ZNF713: variants seen among roughly 807,000 people sequenced by gnomAD.
ZNF713 encodes zinc finger protein 713.
ZNF713 carries 21 observed loss-of-function variants against 28.7 expected under a neutral mutation model. The ratio of observed to expected loss-of-function variants is 0.73; its 90% CI spans 0.52 to 1.05. The LOEUF (loss-of-function observed/expected upper bound fraction) is 1.05, where lower values mean the gene tolerates loss of function less well. Ranked by LOEUF, ZNF713 falls within the 50% of genes least tolerant of loss-of-function variation. The pLI is 0.00. For synonymous variants in ZNF713, 167 were observed against 178.0 expected (o/e 0.94, Z 0.49); for missense variants, 458 against 532.4 (o/e 0.86, Z 1.37).
chr7:55,899,432 A>AGG (rs71015115), intron 1 of ZNF713, among the ~76,000 whole-genome samples: 2 of 89,546 alleles, frequency 2.2e-5, no homozygotes, highest in African/African-American at 1.0e-4. Context: ...TGGGAGGCCG[A>AGG]GGGGGGGGGG....
intron 1 of ZNF713, among the ~76,000 whole-genome samples, chr7:55,899,778 A>G (rs1785540089): frequency 6.6e-6 from 1 of 151,698 alleles, no homozygotes; most frequent in Non-Finnish European, 1.5e-5. Context: ...GTCTCATTCC[A>G]TCAGCCAGGC....
chr7:55,899,658 C>T (rs1025591370), intron 1 of ZNF713, among the ~76,000 whole-genome samples: 5 of 151,744 alleles, frequency 3.3e-5, no homozygotes, highest in African/African-American at 4.8e-5. Flanking sequence ...GGCAACAGAG[C>T]GAGACTCCAT....
intron 1 of ZNF713, among the ~76,000 whole-genome samples, chr7:55,897,102 C>T (rs188644614): frequency 1.5e-3 from 223 of 151,964 alleles, no homozygotes; most frequent in Middle Eastern, 3.4e-3. Context: ...TGGAAAAATT[C>T]CAATACTAAA....
intron 6 of ZNF713, among the ~76,000 whole-genome samples, chr7:55,930,363 C>A (rs1786186180): frequency 6.6e-6 from 1 of 152,292 alleles, no homozygotes; most frequent in South Asian, 2.1e-4. Context: ...ATCAGGTGAA[C>A]TGGAAGTCAG....
At chr7:55,921,504 A>G (rs1028482548) in intron 4 of ZNF713, among the ~76,000 whole-genome samples, 6 of 152,210 alleles carry the variant, frequency 3.9e-5, no homozygotes, top group Non-Finnish European at 7.3e-5. Flanking sequence ...AGGAGGTCAA[A>G]TATCAACATT....
At chr7:55,928,872 C>T (rs1174011539) in intron 6 of ZNF713, among the ~76,000 whole-genome samples, 1 of 151,656 alleles carries the variant, frequency 6.6e-6, no homozygotes, top group Non-Finnish European at 1.5e-5. Flanking sequence ...GGGCTCACAC[C>T]TGTAATCCCA....
intron 6 of ZNF713, among the ~76,000 whole-genome samples, chr7:55,928,756 C>T (rs1356216295): frequency 1.3e-5 from 2 of 152,094 alleles, no homozygotes; most frequent in African/African-American, 4.8e-5. Flanking sequence ...TAAACACTTC[C>T]GACAGACACA....
intron 2 of ZNF713, among the ~76,000 whole-genome samples, chr7:55,908,135 GTTTTT>G (rs71015120): frequency 1.8e-4 from 10 of 54,658 alleles, no homozygotes; most frequent in African/African-American, 5.4e-4. Flanking sequence ...ATCCGTTGTT[GTTTTT>G]TTTTTTTTTT....
chr7:55,907,468 T>C (rs1327305126), intron 2 of ZNF713, among the ~76,000 whole-genome samples: 2 of 152,236 alleles, frequency 1.3e-5, no homozygotes, highest in Non-Finnish European at 2.9e-5. Context: ...TTCATTCTTT[T>C]TTGTGGCTGC....
chr7:55,920,859 G>A (rs1239454719), intron 4 of ZNF713, among the ~76,000 whole-genome samples: 2 of 152,058 alleles, frequency 1.3e-5, no homozygotes, highest in African/African-American at 4.8e-5. Flanking sequence ...GACCTCAAGT[G>A]ATCCTCCTGC....
chr7:55,905,491 G>A (rs1333965088), intron 1 of ZNF713, among the ~76,000 whole-genome samples: 1 of 152,042 alleles, frequency 6.6e-6, no homozygotes, highest in African/African-American at 2.4e-5. Context: ...TCTGGAACCA[G>A]TGTAACAGAC....
intron 1 of ZNF713, among the ~76,000 whole-genome samples, chr7:55,902,308 G>A (rs374045689): frequency 6.6e-6 from 1 of 152,160 alleles, no homozygotes; most frequent in Non-Finnish European, 1.5e-5. Flanking sequence ...CTAGTACAAA[G>A]TGTAATAAAA....
At chr7:55,908,135 G>GTTTTT (rs71015120) in intron 2 of ZNF713, among the ~76,000 whole-genome samples, 111 of 54,638 alleles carry the variant, frequency 2.0e-3, no homozygotes, top group Non-Finnish European at 3.0e-3. Flanking sequence ...ATCCGTTGTT[G>GTTTTT]TTTTTTTTTT....
Position 55,887,849 on chromosome 7 carries a change from GGC to G in ZNF713, c.-583+171_-583+172del, listed in dbSNP as rs1785297207. Among the ~76,000 whole-genome samples the G allele has an allele frequency of 5.6e-4, 3 of 5,382 alleles. 1 individual carries two copies. The highest frequency in any genetic ancestry group is 1.8e-3 in the African/African-American group (3 of 1,658). The allele number at this position is 5,382 out of a possible 152,430, so 3.5% of individuals were successfully genotyped here. A position where few individuals can be genotyped will look rare whatever the true frequency, so the allele number is the denominator to read the frequency against. On this transcript the variant is annotated intron_variant, in intron 1 of 6. Coordinates refer to ENST00000429591, the MANE Select transcript of ZNF713 (RefSeq NM_182633.3). ...CGGGCGGCGGGCGGCGGGCGGCGGC[GGC>G]GGCGGGCGGCGGGCGGCGGCGGCGG...
chr7:55,899,743 TTTTG>T (rs572584562), intron 1 of ZNF713, among the ~76,000 whole-genome samples: 26 of 152,084 alleles, frequency 1.7e-4, no homozygotes, highest in Non-Finnish European at 3.1e-4. Context: ...TATATTCTTT[TTTTG>T]TTTGTTTGTT....
intron 2 of ZNF713, among the ~76,000 whole-genome samples, chr7:55,907,018 A>G (rs1785691082): frequency 6.6e-6 from 1 of 152,118 alleles, no homozygotes; most frequent in Non-Finnish European, 1.5e-5. Flanking sequence ...AAAAGCCTAT[A>G]TTTAGGTTAT....
In ZNF713 at chr7:55,902,926, A is replaced by C. The variant is rs1160261316; in HGVS notation, c.-582-3327A>C. On this transcript the variant is annotated intron_variant, in intron 1 of 6. Coordinates refer to ENST00000429591, the MANE Select transcript of ZNF713 (RefSeq NM_182633.3). ...GAGAAGCTCTTGAACCGGGGAGATA[A>C]AGGTTACAGTGAGCCGAGACCTCAC... is the stretch of plus-strand genomic sequence containing the variant. Among the ~76,000 whole-genome samples the C allele has an allele frequency of 4.0e-5, 6 of 150,752 alleles. No individual in the cohort carries two copies. The South Asian group carries it at 6.3e-4, about 16-fold the overall frequency.
intron 4 of ZNF713, chr7:55,918,234 G>A (rs1184577187): frequency 1.4e-5 from 5 of 363,408 alleles, no homozygotes; most frequent in Non-Finnish European, 2.3e-5. Flanking sequence ...CATATGGAGA[G>A]GAGCCAAGGC....
chr7:55,910,803 G>A (rs1181355108), intron 2 of ZNF713, among the ~76,000 whole-genome samples: 6 of 152,006 alleles, frequency 3.9e-5, no homozygotes, highest in Admixed American at 1.3e-4. Flanking sequence ...GCTCCACTGC[G>A]CCCCAGCTTC....
Sources: gnomAD v4.1 joint callset for allele counts (sites outside exome capture counted in the v4.1 genomes callset) on GRCh38, gnomAD v4.1.1 for gene constraint, MANE v1.5 for transcripts, NCBI Gene and HGNC (gene_info 2026-07-23, HGNC 2026-07-21) for gene names.